The following TRPV1 variants were observed in gnomAD, a reference collection of about 807,000 sequenced individuals.
TRPV1 encodes OTRPC1.
In TRPV1, 82 loss-of-function variants were observed where a neutral mutation model predicts 82.3. The ratio of observed to expected loss-of-function variants is 1.00; its 90% CI spans 0.83 to 1.20. TRPV1 has a LOEUF of 1.20. Ranked by LOEUF, TRPV1 falls within the 50% of genes most tolerant of loss-of-function variation. The probability of loss-of-function intolerance (pLI) is 0.00; values close to 1 mark genes in which losing one functional copy is unlikely to be tolerated. For synonymous variants in TRPV1, 515 were observed against 467.7 expected, an observed-to-expected ratio of 1.10 and a Z score of -1.30; for missense variants, 1,067 against 1,096.8, an observed-to-expected ratio of 0.97 and a Z score of 0.38.
chr17:3,592,478 G>C (rs2075172207), intron 2 of TRPV1, 95 bp from the exon 3 acceptor site: 1 of 1,300,914 alleles, frequency 7.7e-7, no homozygotes, highest in South Asian at 1.5e-5. Flanking sequence ...CTGTGAAGCA[G>C]GGTACCCCAA....
chr17:3,568,092 G>A (rs1185644790), intron 16 of TRPV1, among the ~76,000 whole-genome samples: 1 of 152,174 alleles, frequency 6.6e-6, no homozygotes, highest in African/African-American at 2.4e-5. Flanking sequence ...GGAGGCCGAG[G>A]CGGGCGGATC....
intron 2 of TRPV1, among the ~76,000 whole-genome samples, chr17:3,600,684 C>T (rs2075254802): frequency 6.6e-6 from 1 of 152,202 alleles, no homozygotes. Flanking sequence ...TTAACAGAGC[C>T]CTTGGTGCTA....
At chr17:3,581,752 GCAC>G (rs2150837392) in intron 10 of TRPV1, among the ~76,000 whole-genome samples, 2 of 145,326 alleles carry the variant, frequency 1.4e-5, no homozygotes, top group East Asian at 2.5e-4. Context: ...GGGCGCGGTG[GCAC>G]GCACCTGTAG....
Position 3,571,644 on chromosome 17 carries a change from A to C in TRPV1, c.2232-5T>G. On this transcript the variant is annotated splice_polypyrimidine_tract_variant and splice_region_variant and intron_variant, in intron 15 of 16. Transcript: ENST00000572705. ...GTCCAGTTCACCTCGTCCACCCTGC[A>C]GGGTAAGGGGTCGGGAGAGCCTGAG... is the stretch of plus-strand genomic sequence containing the variant. 1.2e-6 allele frequency: 2 copies of C among 1,603,324 alleles called. No individual in the cohort carries two copies. Among genetic ancestry groups the C allele is most frequent in the East Asian group, 4.5e-5 (2 of 44,558 alleles).
At chr17:3,590,495 G>A (rs374103012) in intron 5 of TRPV1, 103 bp from the exon 6 acceptor site, 22 of 1,497,170 alleles carry the variant, frequency 1.5e-5, no homozygotes, top group Non-Finnish European at 8.9e-6. Context: ...GCTGCAGGAG[G>A]AACTGGGCAG....
At chr17:3,591,915 G>C (rs1421603963) in intron 3 of TRPV1, among the ~76,000 whole-genome samples, 152 bp downstream of exon 3, 1 of 152,164 alleles carries the variant, frequency 6.6e-6, no homozygotes, top group Non-Finnish European at 1.5e-5. Flanking sequence ...ATCCCACGAG[G>C]TCACATGAGG....
At chr17:3,589,045 G>A in intron 7 of TRPV1, 2 of 1,340,136 alleles carry the variant, frequency 1.5e-6, no homozygotes, top group South Asian at 1.3e-5. Context: ...CAGCTACTTG[G>A]GAGGCTGAGG....
chr17:3,584,287 A>C (rs1472552933), intron 9 of TRPV1, among the ~76,000 whole-genome samples: 3 of 151,216 alleles, frequency 2.0e-5, no homozygotes, highest in Non-Finnish European at 2.9e-5. Context: ...CAAAAAACAA[A>C]AAAAAAGAGG....
chr17:3,577,855 GA>G, intron 11 of TRPV1, 92 bp from the exon 12 acceptor site: 1 of 1,266,438 alleles, frequency 7.9e-7, no homozygotes, highest in Non-Finnish European at 1.1e-6. Flanking sequence ...CAGAGGTCCA[GA>G]CTGCAGGCCG....
At chr17:3,574,369 G>A (rs1282957832) in intron 13 of TRPV1, among the ~76,000 whole-genome samples, 1 of 152,130 alleles carries the variant, frequency 6.6e-6, no homozygotes, top group Non-Finnish European at 1.5e-5. Flanking sequence ...TGGGAAGTGT[G>A]GCCCAGAGCC....
intron 2 of TRPV1, chr17:3,602,002 A>G (rs2075266841): frequency 1.3e-5 from 2 of 152,170 alleles, no homozygotes; most frequent in African/African-American, 4.8e-5. Flanking sequence ...ATGGCTGTGA[A>G]TATGTGTTGA....
At chr17:3,593,087 T>G (rs1383617215) in intron 2 of TRPV1, among the ~76,000 whole-genome samples, 1 of 1,706 alleles carries the variant, frequency 5.9e-4, no homozygotes, top group Non-Finnish European at 1.4e-3. Context: ...TAGGCGTGTG[T>G]GTGTGTGTGT....
chr17:3,592,476 C>A, intron 2 of TRPV1, 93 bp from the exon 3 acceptor site: 1 of 1,298,634 alleles, frequency 7.7e-7, no homozygotes, highest in African/African-American at 1.5e-5. Context: ...CCCTGTGAAG[C>A]AGGGTACCCC....
At chr17:3,591,148 C>T in intron 4 of TRPV1, 32 bp from the exon 5 acceptor site, 1 of 1,609,952 alleles carries the variant, frequency 6.2e-7, no homozygotes, top group Non-Finnish European at 8.5e-7. Flanking sequence ...CAGGGCAGGC[C>T]AGGGCTGGGG....
At chr17:3,572,703 C>T (rs1326157145) in intron 14 of TRPV1, among the ~76,000 whole-genome samples, 4 of 152,154 alleles carry the variant, frequency 2.6e-5, no homozygotes, top group Non-Finnish European at 4.4e-5. Context: ...AACAGTATAG[C>T]CAGGCACAGT....
At chr17:3,593,687 CCA>C (rs755201287) in intron 2 of TRPV1, among the ~76,000 whole-genome samples, 1 of 152,322 alleles carries the variant, frequency 6.6e-6, no homozygotes, top group South Asian at 2.1e-4. Flanking sequence ...CCGCTGTCCT[CCA>C]CACAGTGGCC....
chr17:3,571,319 A>ATCAGCCG (rs2074849648), intron 16 of TRPV1, among the ~76,000 whole-genome samples: 1 of 152,170 alleles, frequency 6.6e-6, no homozygotes, highest in African/African-American at 2.4e-5. Context: ...GCCGTCAGCC[A>ATCAGCCG]TCAGCCGTCA....
At chr17:3,600,688 G>T (rs1392305153) in intron 2 of TRPV1, among the ~76,000 whole-genome samples, 1 of 152,186 alleles carries the variant, frequency 6.6e-6, no homozygotes, top group Admixed American at 6.5e-5. Flanking sequence ...CAGAGCCCTT[G>T]GTGCTAACAG....
Position 3,596,717 on chromosome 17 carries a change from G to A in TRPV1, c.-33-4334C>T, listed in dbSNP as rs117650369. On this transcript the variant is annotated intron_variant, in intron 2 of 16. Coordinates refer to ENST00000572705, the MANE Select transcript of TRPV1 (RefSeq NM_080704.4). ...GCCAGGCTGAGGGCACCACAAGTTC[G>A]CTTCAGCCTCACGACCACCTTTGAG... Among the ~76,000 whole-genome samples, 1,935 of 152,286 alleles carry A rather than the reference G, an allele frequency of 0.013. 20 individuals carry two copies. Among genetic ancestry groups the A allele is most frequent in the Non-Finnish European group, 0.022 (1,472 of 68,016 alleles).
Sources: gnomAD v4.1 joint callset for allele counts (sites outside exome capture counted in the v4.1 genomes callset) on GRCh38, gnomAD v4.1.1 for gene constraint, MANE v1.5 for transcripts, NCBI Gene and HGNC (gene_info 2026-07-23, HGNC 2026-07-21) for gene names.